DNAJB13: variants seen among roughly 807,000 people sequenced by gnomAD.
DNAJB13 encodes dnaJ homolog subfamily B member 13.
DNAJB13 carries 22 observed loss-of-function variants against 35.6 expected under a neutral mutation model. The observed-to-expected ratio is 0.62, with a 90% CI of 0.44 to 0.88. The LOEUF (loss-of-function observed/expected upper bound fraction) is 0.88. DNAJB13 is among the 40% of genes least tolerant of loss of function. The probability of loss-of-function intolerance (pLI) is 0.00; values close to 1 mark genes in which losing one functional copy is unlikely to be tolerated. For synonymous variants in DNAJB13, 136 were observed against 144.2 expected, an observed-to-expected ratio of 0.94 and a Z score of 0.41; for missense variants, 370 against 384.3, an observed-to-expected ratio of 0.96 and a Z score of 0.31.
chr11:73,965,822 G>A (rs1951099374), intron 4 of DNAJB13: 2 of 317,758 alleles, frequency 6.3e-6, no homozygotes, highest in Non-Finnish European at 1.2e-5. Context: ...GGCTGGAGCT[G>A]TGTGTTTGAT....
chr11:73,969,463 C>A (rs1591211381), intron 7 of DNAJB13, 141 bp downstream of exon 7: 1 of 611,004 alleles, frequency 1.6e-6, no homozygotes. Context: ...TAGAGAGGAC[C>A]AAAACTGAAC....
chr11:73,954,704 C>T (rs1950692588), intron 1 of DNAJB13, among the ~76,000 whole-genome samples: 1 of 151,560 alleles, frequency 6.6e-6, no homozygotes, highest in Non-Finnish European at 1.5e-5. Flanking sequence ...GCCTGTAATC[C>T]CAGCACTTTG....
At chr11:73,964,641 T>C in intron 3 of DNAJB13, 1 of 507,784 alleles carries the variant, frequency 2.0e-6, no homozygotes, top group Non-Finnish European at 3.5e-6. Context: ...TGGCAAAGGA[T>C]GATAATCACT....
intron 4 of DNAJB13, chr11:73,965,446 G>C (rs1951083883): frequency 6.1e-6 from 1 of 164,648 alleles, no homozygotes; most frequent in Non-Finnish European, 1.3e-5. Context: ...GGGCATGGAG[G>C]GTGGGCTGGG....
At chr11:73,962,839 C>T (rs1321343746) in intron 3 of DNAJB13, among the ~76,000 whole-genome samples, 7 of 152,188 alleles carry the variant, frequency 4.6e-5, no homozygotes, top group African/African-American at 1.4e-4. Context: ...ATAAGCTCCA[C>T]GTGAGACTGA....
At chr11:73,953,769 A>T (rs1292260479) in intron 1 of DNAJB13, among the ~76,000 whole-genome samples, 1 of 151,878 alleles carries the variant, frequency 6.6e-6, no homozygotes, top group Non-Finnish European at 1.5e-5. Context: ...AGTATAAAAC[A>T]ATATGAGATG....
rs7122091 is a variant in DNAJB13, at chr11:73,959,388, G to C, written c.173-106G>C. On this transcript the variant is annotated intron_variant, in intron 2 of 7. Coordinates refer to ENST00000339764, the MANE Select transcript of DNAJB13 (RefSeq NM_153614.4). ...CAGACAGCAGGCACTTTGGGATCAG[G>C]CTGCTTCTGCCCCTTCCCTTTCTCC... 77,795 of 1,319,416 alleles carry C rather than the reference G, an allele frequency of 0.059. 2,598 individuals carry two copies. Among genetic ancestry groups the C allele is most frequent in the East Asian group, 0.077 (2,982 of 38,960 alleles). The allele number at this position is 1,319,416 out of a possible 1,614,324, so 81.7% of individuals were successfully genotyped here.
At position 73,969,286 on chromosome 11, in the gene DNAJB13, A is replaced by G. The variant is rs1438159270; in HGVS notation, c.761A>G (p.Asp254Gly). ...ACTGTGGAGGTGAGGACCCTAGATG[A>G]CCGTCTGCTCAACATCCCCATCAAT... ...CCTVEVRTLD[D>G]RLLNIPINDI... Residue 254 changes from aspartate to glycine, a missense_variant, in exon 7 of 8, where the codon GAC becomes GGC. Physicochemically the swap from Asp to Gly is moderately conservative, Grantham distance 94. Coordinates refer to ENST00000339764, the MANE Select transcript of DNAJB13 (RefSeq NM_153614.4). 2.3e-6 allele frequency: 2 copies of G among 872,670 alleles called. No homozygotes were observed. The highest frequency in any genetic ancestry group is 2.0e-6 in the Non-Finnish European group (1 of 501,574). The allele number at this position is 872,670 out of a possible 1,614,324, so 54.1% of individuals were successfully genotyped here.
intron 1 of DNAJB13, 39 bp downstream of exon 1, chr11:73,951,176 G>T (rs1950577357): frequency 1.2e-6 from 2 of 1,611,018 alleles, no homozygotes; most frequent in South Asian, 1.1e-5. Flanking sequence ...GGGTGTGCTG[G>T]GGCAGGCCCT....
In DNAJB13 at chr11:73,970,037, A is replaced by G. The variant is rs1233122809; in HGVS notation, c.874A>G (p.Ile292Val). ...CCCCACTAAGAAAGGGGATCTCTTC[A>G]TCTTCTTCGACATCCAGTTCCCCAC... ...EDPTKKGDLF[I>V]FFDIQFPTRL... is the part of the protein sequence containing the mutation. The change falls in exon 8 of 8, where the codon ATC becomes GTC. Residue 292 changes from isoleucine (I) to valine (V), a missense_variant. Physicochemically the swap from Ile to Val is conservative, Grantham distance 29 (BLOSUM62 3). Coordinates refer to ENST00000339764, the MANE Select transcript of DNAJB13 (RefSeq NM_153614.4). 1.9e-6 allele frequency: 3 copies of G among 1,611,392 alleles called. No homozygotes were observed. The highest frequency in any genetic ancestry group is 1.1e-5 in the South Asian group (1 of 90,272).
chr11:73,968,703 GGATCCTGCCACACACTCATCA>G (rs1951195499), intron 6 of DNAJB13, among the ~76,000 whole-genome samples: 1 of 152,110 alleles, frequency 6.6e-6, no homozygotes, highest in African/African-American at 2.4e-5. Context: ...TTCTCCTTAG[GGATCCTGCCACACACTCATCA>G]GACCCTGCCA....
chr11:73,960,821 TTATAC>T (rs560400081), intron 3 of DNAJB13, among the ~76,000 whole-genome samples: 228 of 152,330 alleles, frequency 1.5e-3, no homozygotes, highest in Non-Finnish European at 2.8e-3. Context: ...ATCTTATATG[TTATAC>T]TATATATAGA....
At chr11:73,952,539 G>A (rs2135269270) in intron 1 of DNAJB13, among the ~76,000 whole-genome samples, 1 of 152,260 alleles carries the variant, frequency 6.6e-6, no homozygotes, top group East Asian at 1.9e-4. Flanking sequence ...GGGGATCAGT[G>A]GCATAAGTGG....
chr11:73,958,254 A>T lies in DNAJB13; in HGVS notation c.69-63A>T, dbSNP rs572748549. ...GGAGTGAACAGAGTGCCGGCTCTGA[A>T]CTCTGGTCCGCCCTCAGAAACAGAC... On this transcript the variant is annotated intron_variant, in intron 1 of 7. Transcript: ENST00000339764. 33 of 1,544,214 alleles carry T rather than the reference A, an allele frequency of 2.1e-5. No homozygotes were observed. In the Admixed American group the frequency reaches 5.5e-4, roughly 26 times the overall value.
Position 73,959,585 on chromosome 11 carries a change from T to C in DNAJB13, c.264T>C (p.Thr88=), listed in dbSNP as rs1950866587. 6.2e-7 allele frequency: 1 copy of C among 1,614,220 alleles called. No homozygotes were observed. The highest frequency in any genetic ancestry group is 2.2e-5 in the East Asian group (1 of 44,880). The change falls in exon 3 of 8, where the codon ACT becomes ACC. Residue 88 remains threonine, a synonymous_variant. Coordinates refer to ENST00000339764, the MANE Select transcript of DNAJB13 (RefSeq NM_153614.4). ...LEFGSQTPWT[T]GYVFHGKPEK... is the part of the protein sequence containing the mutation. ...TTGGATCCCAGACCCCATGGACAAC[T>C]GGTTACGTCTTCCATGGCAAACCTG...
chr11:73,964,799 GT>G, intron 3 of DNAJB13, 78 bp from the exon 4 acceptor site: 1 of 1,114,884 alleles, frequency 9.0e-7, no homozygotes, highest in Non-Finnish European at 1.3e-6. Flanking sequence ...GTGTGTGTGT[GT>G]GTGTGTGTGT....
intron 3 of DNAJB13, among the ~76,000 whole-genome samples, chr11:73,962,744 C>T (rs1033931897): frequency 1.5e-4 from 23 of 152,104 alleles, no homozygotes; most frequent in Non-Finnish European, 4.4e-5. Flanking sequence ...TTTTCTGTGC[C>T]AATATGTGGG....
In DNAJB13 at chr11:73,951,093, G is replaced by A; in HGVS notation, c.24G>A (p.Val8=). The part of the protein sequence containing the change: MGQDYYS[V]LGITRNSEDA... ...CCATGGGCCAGGATTATTACTCTGT[G>A]CTCGGGATCACTCGCAATTCAGAGG... Residue 8 remains valine, a synonymous_variant, in exon 1 of 8, where the codon GTG becomes GTA. Transcript: ENST00000339764. The A allele has an allele frequency of 6.2e-7, 1 of 1,614,076 alleles. No homozygotes were observed. Among genetic ancestry groups the A allele is most frequent in the Non-Finnish European group, 8.5e-7 (1 of 1,180,022 alleles).
At chr11:73,965,077 T>C (rs1951070138) in intron 4 of DNAJB13, 42 bp downstream of exon 4, 1 of 1,525,960 alleles carries the variant, frequency 6.6e-7, no homozygotes, top group African/African-American at 1.4e-5. Flanking sequence ...ACCTATCTCC[T>C]GCAGCCTAGC....
Sources: allele counts gnomAD v4.1 joint callset (sites outside exome capture counted in the v4.1 genomes callset), GRCh38; gene constraint gnomAD v4.1.1; transcripts MANE v1.5; gene names NCBI Gene and HGNC (gene_info 2026-07-23, HGNC 2026-07-21).